The following GPBP1 variants were observed in gnomAD, a reference collection of about 807,000 sequenced individuals.
GPBP1 encodes the protein vasculin.
GPBP1 carries 13 observed loss-of-function variants against 56.5 expected under a neutral mutation model. That is an observed-to-expected ratio of 0.23 (90% CI 0.15 to 0.37). The LOEUF (loss-of-function observed/expected upper bound fraction) is 0.37. Among genes scored for constraint, GPBP1 ranks in the 10% least tolerant of loss-of-function variants. The pLI, the probability that GPBP1 is intolerant of heterozygous loss-of-function variation, is 1.00. For missense variants in GPBP1, 477 were observed against 572.3 expected (o/e 0.83, Z 1.70); for synonymous variants, 204 against 188.9 (o/e 1.08, Z -0.66).
intron 2 of GPBP1, among the ~76,000 whole-genome samples, chr5:57,201,717 C>T (rs1042342748): frequency 7.8e-4 from 118 of 152,232 alleles, no homozygotes; most frequent in African/African-American, 2.8e-3. Context: ...TAGTGCAATG[C>T]AGAAATTTCA....
chr5:57,237,081 T>G, intron 6 of GPBP1: 1 of 1,481,274 alleles, frequency 6.8e-7, no homozygotes, highest in Non-Finnish European at 9.2e-7. Context: ...TTTTTCTGTA[T>G]TGCAAATTAG....
intron 10 of GPBP1, among the ~76,000 whole-genome samples, chr5:57,255,416 C>T (rs1218476017): frequency 6.6e-6 from 1 of 152,064 alleles, no homozygotes; most frequent in East Asian, 1.9e-4. Flanking sequence ...GCCATGTTAC[C>T]CAAAAACATT....
At chr5:57,258,293 G>A (rs1247835504) in intron 10 of GPBP1, among the ~76,000 whole-genome samples, 5 of 152,138 alleles carry the variant, frequency 3.3e-5, no homozygotes, top group Admixed American at 6.5e-5. Flanking sequence ...TCTGAGAAAC[G>A]TGTCGTTAGG....
intron 1 of GPBP1, among the ~76,000 whole-genome samples, chr5:57,174,730 G>A (rs1458999836): frequency 6.6e-6 from 1 of 152,222 alleles, no homozygotes; most frequent in African/African-American, 2.4e-5. Flanking sequence ...TGTGGGGTCT[G>A]AGGGGACATG....
At chr5:57,183,692 G>C (rs1451232004) in intron 2 of GPBP1, among the ~76,000 whole-genome samples, 2 of 151,796 alleles carry the variant, frequency 1.3e-5, no homozygotes, top group African/African-American at 4.8e-5. Context: ...GGAAATACTA[G>C]TCTATGTTTT....
At chr5:57,228,467 A>G (rs1756293075) in intron 3 of GPBP1, among the ~76,000 whole-genome samples, 1 of 151,600 alleles carries the variant, frequency 6.6e-6, no homozygotes, top group Admixed American at 6.6e-5. Flanking sequence ...AAAAAAAAAA[A>G]GTCTGCATCT....
Position 57,247,303 on chromosome 5 carries a change from A to T in GPBP1, c.804+88A>T, listed in dbSNP as rs188873619. On this transcript the variant is annotated intron_variant, in intron 8 of 11. Transcript: ENST00000506184. ...ATAAAAGGTAGAAATTCATTAAATG[A>T]ATACATTAAAATGAGTTTCATTCCT... 3 of 1,029,326 alleles carry T rather than the reference A, an allele frequency of 2.9e-6. No individual in the cohort carries two copies. The South Asian group carries it at 6.1e-5, about 21-fold the overall frequency. The allele number at this position is 1,029,326 out of a possible 1,614,324, so 63.8% of individuals were successfully genotyped here. A position where few individuals can be genotyped will look rare whatever the true frequency, so the allele number is the denominator to read the frequency against.
intron 10 of GPBP1, among the ~76,000 whole-genome samples, chr5:57,258,369 C>G (rs1246349986): frequency 2.0e-5 from 3 of 149,716 alleles, no homozygotes; most frequent in Non-Finnish European, 4.5e-5. Context: ...AGCCCACTAC[C>G]TACCTAGGCT....
intron 11 of GPBP1, among the ~76,000 whole-genome samples, chr5:57,262,358 G>T (rs1385410260): frequency 2.0e-5 from 3 of 152,120 alleles, no homozygotes; most frequent in Non-Finnish European, 4.4e-5. Context: ...GTCCCTGAAG[G>T]TATTTATTAC....
intron 2 of GPBP1, among the ~76,000 whole-genome samples, chr5:57,209,368 A>G (rs2111739794): frequency 6.6e-6 from 1 of 152,272 alleles, no homozygotes; most frequent in South Asian, 2.1e-4. Context: ...AGGTGCCATT[A>G]TAGCACTCTA....
At chr5:57,184,674 C>T (rs562857666) in intron 2 of GPBP1, among the ~76,000 whole-genome samples, 6 of 152,270 alleles carry the variant, frequency 3.9e-5, no homozygotes, top group Admixed American at 1.3e-4. Context: ...ATCCAAACTG[C>T]ATCAATGACA....
intron 2 of GPBP1, among the ~76,000 whole-genome samples, chr5:57,213,501 C>T (rs987725882): frequency 4.6e-5 from 7 of 150,650 alleles, no homozygotes; most frequent in Non-Finnish European, 5.9e-5. Context: ...GATTTGTTCA[C>T]ATAAAGGATT....
chr5:57,254,375 A>G (rs1342658468), intron 10 of GPBP1, among the ~76,000 whole-genome samples: 1 of 152,124 alleles, frequency 6.6e-6, no homozygotes, highest in Non-Finnish European at 1.5e-5. Context: ...ATGTGGCTGT[A>G]ACTATTGTAT....
chr5:57,213,054 T>C (rs1286736974), intron 2 of GPBP1, among the ~76,000 whole-genome samples: 1 of 151,906 alleles, frequency 6.6e-6, no homozygotes, highest in African/African-American at 2.4e-5. Flanking sequence ...TATATGTCTT[T>C]TTTTTTATTA....
At chr5:57,242,335 C>A (rs549344462) in intron 6 of GPBP1, among the ~76,000 whole-genome samples, 1 of 152,100 alleles carries the variant, frequency 6.6e-6, no homozygotes, top group Non-Finnish European at 1.5e-5. Context: ...ATGAAACATT[C>A]CACAGTAAAT....
At chr5:57,256,645 A>G (rs757378757) in intron 10 of GPBP1, among the ~76,000 whole-genome samples, 13 of 152,194 alleles carry the variant, frequency 8.5e-5, no homozygotes, top group African/African-American at 1.2e-4. Context: ...TGTGGATTCA[A>G]GATTTCAGAT....
At position 57,229,869 on chromosome 5, in the gene GPBP1, C is replaced by A. The variant is rs1007999523; in HGVS notation, c.64-977C>A. On this transcript the variant is annotated intron_variant, in intron 3 of 11. Transcript: ENST00000506184. ...CAAACATTTATTGATCATTTTCATGCATTTTCTTTTTAGATTACTGAGACG... is the reference window on the plus strand; with the variant it reads ...CAAACATTTATTGATCATTTTCATGAATTTTCTTTTTAGATTACTGAGACG... Among the ~76,000 whole-genome samples the A allele has an allele frequency of 2.6e-5, 4 of 151,398 alleles. No individual in the cohort carries two copies. In the Admixed American group the frequency reaches 2.6e-4, roughly 10 times the overall value.
At chr5:57,189,805 C>T (rs1009207371) in intron 2 of GPBP1, among the ~76,000 whole-genome samples, 3 of 152,200 alleles carry the variant, frequency 2.0e-5, no homozygotes, top group African/African-American at 4.8e-5. Context: ...TACTGTCTTA[C>T]TGGCCCATTG....
intron 5 of GPBP1, 104 bp downstream of exon 5, chr5:57,231,425 C>A (rs1416218732): frequency 5.9e-6 from 5 of 844,694 alleles, no homozygotes; most frequent in Non-Finnish European, 9.1e-6. Context: ...AGGCATCCAC[C>A]ACCAGGCCCG....
Sources: allele counts gnomAD v4.1 joint callset (sites outside exome capture counted in the v4.1 genomes callset), GRCh38; gene constraint gnomAD v4.1.1; transcripts MANE v1.5; gene names NCBI Gene and HGNC (gene_info 2026-07-23, HGNC 2026-07-21).